The following SMC5 variants were observed in gnomAD, a reference collection of about 807,000 sequenced individuals.
SMC5 encodes structural maintenance of chromosomes protein 5.
Under a neutral mutation model 148.3 loss-of-function variants are expected in SMC5, and 88 were observed. That is an observed-to-expected ratio of 0.59 (90% CI 0.50 to 0.71). SMC5 has a LOEUF of 0.71. Among genes scored for constraint, SMC5 ranks in the 30% least tolerant of loss-of-function variants. SMC5 has a pLI of 0.00. For missense variants in SMC5, 1,142 were observed against 1,298.9 expected (o/e 0.88, Z 1.86); for synonymous variants, 421 against 432.8 (o/e 0.97, Z 0.34).
In SMC5 at chr9:70,344,222, G is replaced by T; in HGVS notation, c.2476G>T (p.Val826Leu). ...GGAACTTATGAAAAGAGCTAGGCAA[G>T]TATGTAACCTGGGTGCAGAGCAGAC... ...CKELMKRARQVCNLGAEQTLP... is the reference protein window; with the variant it reads ...CKELMKRARQLCNLGAEQTLP... The change falls in exon 18 of 25, where the codon GTA (valine) becomes TTA (leucine). Residue 826 changes from valine (V) to leucine (L), a missense_variant. By Grantham distance (32) the Val-to-Leu change is conservative. Coordinates refer to ENST00000361138, the MANE Select transcript of SMC5 (RefSeq NM_015110.4). 6.4e-7 allele frequency: 1 copy of T among 1,551,296 alleles called. No homozygotes were observed. Among genetic ancestry groups the T allele is most frequent in the Non-Finnish European group, 8.7e-7 (1 of 1,146,592 alleles).
intron 7 of SMC5, among the ~76,000 whole-genome samples, chr9:70,284,877 T>C (rs1222438928): frequency 6.6e-6 from 1 of 152,142 alleles, no homozygotes; most frequent in Non-Finnish European, 1.5e-5. Flanking sequence ...GAAAACTTTT[T>C]CCAATACTTG....
In SMC5 at chr9:70,347,174, C is replaced by A; in HGVS notation, c.2664+13C>A. 1 of 1,608,722 alleles carries A rather than the reference C, an allele frequency of 6.2e-7. No individual in the cohort carries two copies. The highest frequency in any genetic ancestry group is 8.5e-7 in the Non-Finnish European group (1 of 1,175,542). On this transcript the variant is annotated intron_variant, in intron 20 of 24. Transcript: ENST00000361138. ...ACTGAATCCTACAGTATGCCTGTTT[C>A]TCTATTCCCATTCTGCATCCAACCA...
intron 3 of SMC5, among the ~76,000 whole-genome samples, chr9:70,268,532 G>A (rs2034355604): frequency 6.7e-6 from 1 of 150,178 alleles, no homozygotes; most frequent in African/African-American, 2.4e-5. Context: ...AGCAGGTAAT[G>A]AAATAGAACT....
intron 8 of SMC5, among the ~76,000 whole-genome samples, chr9:70,291,659 A>G (rs1319562381): frequency 6.6e-6 from 1 of 152,154 alleles, no homozygotes; most frequent in African/African-American, 2.4e-5. Flanking sequence ...ATGCTAAACA[A>G]TTGCTTCTGA....
chr9:70,283,026 G>A (rs940289967), intron 7 of SMC5, among the ~76,000 whole-genome samples: 12 of 152,202 alleles, frequency 7.9e-5, no homozygotes, highest in African/African-American at 2.2e-4. Flanking sequence ...TCTAACCTTC[G>A]GTGGATTTTG....
At chr9:70,311,502 C>T (rs895937542) in intron 11 of SMC5, 2 of 152,110 alleles carry the variant, frequency 1.3e-5, no homozygotes, top group Middle Eastern at 3.4e-3. Flanking sequence ...CAAAATATGA[C>T]ACAGAGACAC....
At position 70,264,447 on chromosome 9, in the gene SMC5, T is replaced by G; in HGVS notation, c.327+2T>G. The G allele has an allele frequency of 6.2e-7, 1 of 1,609,456 alleles. No individual in the cohort carries two copies. The highest frequency in any genetic ancestry group is 1.1e-5 in the South Asian group (1 of 89,938). ...GCTTTCATGGGACGAGCAGATAAGG[T>G]GAGTTAATATAATTACTTTTTAAGA... is the stretch of plus-strand genomic sequence containing the variant. On this transcript the variant is annotated splice_donor_variant, in intron 2 of 24. Coordinates refer to ENST00000361138, the MANE Select transcript of SMC5 (RefSeq NM_015110.4). LOFTEE classifies it high-confidence loss of function.
Position 70,353,363 on chromosome 9 carries a change from T to C in SMC5, c.*1032T>C, listed in dbSNP as rs2036845186. 1 of 152,166 alleles carries C rather than the reference T, an allele frequency of 6.6e-6. No individual in the cohort carries two copies. The highest frequency in any genetic ancestry group is 2.4e-5 in the African/African-American group (1 of 41,450). The allele number at this position is 152,166 out of a possible 1,614,324, so 9.4% of individuals were successfully genotyped here. A position where few individuals can be genotyped will look rare whatever the true frequency, so the allele number is the denominator to read the frequency against. Reference sequence around the variant, plus strand: ...AAAATCTAGTTTAAACTGTTTTCTTTCACCGCAAAAGAATTAAATGGGAAA... The same window carrying C: ...AAAATCTAGTTTAAACTGTTTTCTTCCACCGCAAAAGAATTAAATGGGAAA... On this transcript the variant is annotated 3_prime_UTR_variant, in exon 25 of 25. Coordinates refer to ENST00000361138, the MANE Select transcript of SMC5 (RefSeq NM_015110.4).
At chr9:70,345,437 G>A (rs2036642331) in intron 18 of SMC5, among the ~76,000 whole-genome samples, 1 of 151,942 alleles carries the variant, frequency 6.6e-6, no homozygotes, top group Non-Finnish European at 1.5e-5. Context: ...GTGAGGAGAT[G>A]GAGTGACATG....
intron 17 of SMC5, among the ~76,000 whole-genome samples, chr9:70,342,077 A>G (rs1445263386): frequency 3.3e-5 from 5 of 151,656 alleles, no homozygotes; most frequent in Admixed American, 1.3e-4. Context: ...TGATGAGTTC[A>G]TGTCCTTTGT....
chr9:70,321,698 CAG>C (rs2035952512), intron 15 of SMC5, among the ~76,000 whole-genome samples: 1 of 152,140 alleles, frequency 6.6e-6, no homozygotes, highest in African/African-American at 2.4e-5. Flanking sequence ...CTTTTCTAAA[CAG>C]AAAACTGCTG....
chr9:70,303,834 C>T (rs550348963), intron 10 of SMC5, among the ~76,000 whole-genome samples: 9 of 152,204 alleles, frequency 5.9e-5, no homozygotes, highest in African/African-American at 2.2e-4. Flanking sequence ...ACATAAATAC[C>T]TCCCCTTTAT....
chr9:70,275,363 A>G lies in SMC5; in HGVS notation c.381-1947A>G, dbSNP rs567433098. On this transcript the variant is annotated intron_variant, in intron 3 of 24. Coordinates refer to ENST00000361138, the MANE Select transcript of SMC5 (RefSeq NM_015110.4). ...CACTCACCACCAGGCCCAGCTTTTTAAATTTTTTTTATTTTTTGTAGAGAA... is the reference window on the plus strand; with the variant it reads ...CACTCACCACCAGGCCCAGCTTTTTGAATTTTTTTTATTTTTTGTAGAGAA... Among the ~76,000 whole-genome samples the G allele has an allele frequency of 3.9e-5, 6 of 151,956 alleles. No individual in the cohort carries two copies. The South Asian group carries it at 1.2e-3, about 32-fold the overall frequency.
intron 8 of SMC5, among the ~76,000 whole-genome samples, chr9:70,289,875 A>T (rs1028405084): frequency 6.7e-6 from 1 of 149,500 alleles, no homozygotes; most frequent in East Asian, 1.9e-4. Flanking sequence ...GTTATTTAAA[A>T]TATTATTATT....
chr9:70,303,680 T>C (rs913500774), intron 10 of SMC5, among the ~76,000 whole-genome samples: 2 of 152,252 alleles, frequency 1.3e-5, no homozygotes, highest in African/African-American at 4.8e-5. Context: ...ACTGTTTTAC[T>C]ATGTCCATCT....
At chr9:70,274,843 G>A (rs1409981868) in intron 3 of SMC5, among the ~76,000 whole-genome samples, 1 of 151,940 alleles carries the variant, frequency 6.6e-6, no homozygotes, top group African/African-American at 2.4e-5. Context: ...ACAGTACTTT[G>A]TTCTTAATAA....
intron 3 of SMC5, among the ~76,000 whole-genome samples, chr9:70,271,185 A>G (rs2034441486): frequency 6.6e-6 from 1 of 152,012 alleles, no homozygotes; most frequent in South Asian, 2.1e-4. Flanking sequence ...ATACAGGGAT[A>G]CTCAACCTGT....
At chr9:70,347,279 C>G in intron 20 of SMC5, 118 bp downstream of exon 20, 1 of 684,846 alleles carries the variant, frequency 1.5e-6, no homozygotes, top group South Asian at 2.2e-5. Flanking sequence ...TACTAGAGCT[C>G]TTGGTAATAA....
intron 7 of SMC5, among the ~76,000 whole-genome samples, chr9:70,285,172 G>T (rs1202282076): frequency 6.6e-6 from 1 of 152,052 alleles, no homozygotes; most frequent in African/African-American, 2.4e-5. Context: ...TGGCATCAGA[G>T]ATCCACCGGA....
Sources: gnomAD v4.1 joint callset for allele counts (sites outside exome capture counted in the v4.1 genomes callset) on GRCh38, gnomAD v4.1.1 for gene constraint, MANE v1.5 for transcripts, NCBI Gene and HGNC (gene_info 2026-07-23, HGNC 2026-07-21) for gene names.